Variants in MAML3 observed in about 807,000 individuals in gnomAD.
MAML3 encodes the protein mastermind-like protein 3.
In MAML3, 27 loss-of-function variants were observed where a neutral mutation model predicts 101.9. The ratio of observed to expected loss-of-function variants is 0.27; its 90% CI spans 0.20 to 0.37. MAML3 has a LOEUF of 0.37. Ranked by LOEUF, MAML3 falls within the 10% of genes least tolerant of loss-of-function variation. The probability of loss-of-function intolerance (pLI) is 1.00; values close to 1 mark genes in which losing one functional copy is unlikely to be tolerated. For synonymous variants in MAML3, 501 were observed against 555.9 expected (o/e 0.90, Z 1.39); for missense variants, 1,316 against 1,444.9 (o/e 0.91, Z 1.45).
chr4:139,933,253 G>A (rs983038581), intron 1 of MAML3, among the ~76,000 whole-genome samples: 2 of 152,182 alleles, frequency 1.3e-5, no homozygotes, highest in Non-Finnish European at 2.9e-5. Flanking sequence ...GCCCCTTGGA[G>A]GGAGTGGTTT....
At chr4:139,757,936 C>A (rs1055810640) in intron 2 of MAML3, among the ~76,000 whole-genome samples, 1 of 152,146 alleles carries the variant, frequency 6.6e-6, no homozygotes, top group African/African-American at 2.4e-5. Context: ...CACTTCCTCT[C>A]TGAATATCCA....
At chr4:140,151,088 GC>G (rs1560909604) in intron 1 of MAML3, among the ~76,000 whole-genome samples, 4 of 152,090 alleles carry the variant, frequency 2.6e-5, no homozygotes, top group African/African-American at 9.7e-5. Context: ...CAGCCCAGCG[GC>G]CCCGGGGTCT....
chr4:139,843,001 G>A (rs1404221317), intron 2 of MAML3, among the ~76,000 whole-genome samples: 1 of 151,784 alleles, frequency 6.6e-6, no homozygotes, highest in African/African-American at 2.4e-5. Flanking sequence ...GGCTGGTCTT[G>A]AACCCCTGAC....
At chr4:139,777,250 T>C (rs1730111563) in intron 2 of MAML3, among the ~76,000 whole-genome samples, 1 of 152,152 alleles carries the variant, frequency 6.6e-6, no homozygotes, top group African/African-American at 2.4e-5. Context: ...AAAATAGAAT[T>C]TCCGGTTCTT....
chr4:139,810,488 C>T (rs1730777715), intron 2 of MAML3, among the ~76,000 whole-genome samples: 1 of 151,976 alleles, frequency 6.6e-6, no homozygotes, highest in African/African-American at 2.4e-5. Context: ...TCATGCCTGG[C>T]CTAAAATTAA....
chr4:139,844,351 T>C (rs17050934), intron 2 of MAML3, among the ~76,000 whole-genome samples: 6,375 of 152,268 alleles, frequency 0.042, 423 homozygotes, highest in African/African-American at 0.14. Flanking sequence ...AATTGAAACA[T>C]CCTTCTGGTC....
intron 1 of MAML3, among the ~76,000 whole-genome samples, chr4:139,984,944 A>G (rs1362689731): frequency 2.0e-5 from 3 of 152,252 alleles, no homozygotes; most frequent in Admixed American, 6.5e-5. Flanking sequence ...ACTAACCATC[A>G]CAGATGGTAT....
chr4:140,147,391 T>G (rs1452470912), intron 1 of MAML3, among the ~76,000 whole-genome samples: 1 of 152,214 alleles, frequency 6.6e-6, no homozygotes, highest in African/African-American at 2.4e-5. Flanking sequence ...TTGTATCTGA[T>G]TGTTTCATTA....
chr4:139,759,522 G>C (rs1729713043), intron 2 of MAML3, among the ~76,000 whole-genome samples: 1 of 152,190 alleles, frequency 6.6e-6, no homozygotes. Context: ...TGCTCTAGGT[G>C]TGGAAGACCA....
intron 1 of MAML3, among the ~76,000 whole-genome samples, chr4:139,917,222 G>C (rs1358900533): frequency 6.6e-6 from 1 of 152,168 alleles, no homozygotes; most frequent in Non-Finnish European, 1.5e-5. Flanking sequence ...TGCATTTAAG[G>C]CAGGAAAACC....
chr4:139,771,124 T>A (rs1729970258), intron 2 of MAML3, among the ~76,000 whole-genome samples: 1 of 152,222 alleles, frequency 6.6e-6, no homozygotes, highest in Admixed American at 6.5e-5. Context: ...TACCCAAAGT[T>A]ACAGCTACAG....
At chr4:139,832,091 C>A (rs1409037105) in intron 2 of MAML3, among the ~76,000 whole-genome samples, 1 of 80,208 alleles carries the variant, frequency 1.2e-5, no homozygotes, top group East Asian at 2.6e-4. Context: ...TCATGCCCAG[C>A]CCCTTTTTTT....
intron 1 of MAML3, among the ~76,000 whole-genome samples, chr4:140,006,949 G>C (rs1726463915): frequency 6.6e-6 from 1 of 152,038 alleles, no homozygotes; most frequent in South Asian, 2.1e-4. Flanking sequence ...ATATAAACTT[G>C]GTTATGTTTA....
At chr4:139,938,140 T>C (rs1412700172) in intron 1 of MAML3, among the ~76,000 whole-genome samples, 1 of 152,178 alleles carries the variant, frequency 6.6e-6, no homozygotes, top group Non-Finnish European at 1.5e-5. Context: ...GGCAGAAAGA[T>C]TTTAAAATAT....
At chr4:140,003,595 C>G (rs948227162) in intron 1 of MAML3, among the ~76,000 whole-genome samples, 1 of 152,124 alleles carries the variant, frequency 6.6e-6, no homozygotes, top group Non-Finnish European at 1.5e-5. Context: ...AGGGTTAACA[C>G]TAGACAATTT....
At chr4:140,139,339 T>C (rs1443441214) in intron 1 of MAML3, among the ~76,000 whole-genome samples, 2 of 151,980 alleles carry the variant, frequency 1.3e-5, no homozygotes, top group African/African-American at 4.8e-5. Context: ...GTCTTGAAAC[T>C]TTGCCACATT....
chr4:140,153,420 T>C lies in MAML3; in HGVS notation c.-93A>G, dbSNP rs1157717250. The C allele has an allele frequency of 2.3e-6, 3 of 1,315,382 alleles. No individual in the cohort carries two copies. The highest frequency in any genetic ancestry group is 2.9e-6 in the Non-Finnish European group (3 of 1,027,986). The allele number at this position is 1,315,382 out of a possible 1,614,324, so 81.5% of individuals were successfully genotyped here. ...GGTCCAAGGATTAAAATAGTTTAAG[T>C]GGAACGCGGGGGAGACGCAAGCACA... On this transcript the variant is annotated 5_prime_UTR_variant, in exon 1 of 5. Coordinates refer to ENST00000509479, the MANE Select transcript of MAML3 (RefSeq NM_018717.5).
intron 1 of MAML3, among the ~76,000 whole-genome samples, chr4:139,988,106 C>A (rs1274743706): frequency 6.7e-6 from 1 of 149,258 alleles, no homozygotes; most frequent in African/African-American, 2.5e-5. Flanking sequence ...GCGGGCGGAT[C>A]ACCTGAGGTC....
intron 1 of MAML3, among the ~76,000 whole-genome samples, chr4:140,021,938 T>C (rs1402022831): frequency 6.6e-6 from 1 of 152,172 alleles, no homozygotes; most frequent in African/African-American, 2.4e-5. Context: ...ATACCATTAT[T>C]ATCCCCATTT....
Sources: allele counts gnomAD v4.1 joint callset (sites outside exome capture counted in the v4.1 genomes callset), GRCh38; gene constraint gnomAD v4.1.1; transcripts MANE v1.5; gene names NCBI Gene and HGNC (gene_info 2026-07-23, HGNC 2026-07-21).